The following VCPIP1 variants were observed in gnomAD, a reference collection of about 807,000 sequenced individuals.
VCPIP1 encodes the protein deubiquitinating protein VCPIP1.
Under a neutral mutation model 85.0 loss-of-function variants are expected in VCPIP1, and 8 were observed. That is an observed-to-expected ratio of 0.09 (90% CI 0.06 to 0.17). The LOEUF (loss-of-function observed/expected upper bound fraction) is 0.17, where lower values mean the gene tolerates loss of function less well. Among genes scored for constraint, VCPIP1 ranks in the 10% least tolerant of loss-of-function variants. The probability of loss-of-function intolerance (pLI) is 1.00; values close to 1 mark genes in which losing one functional copy is unlikely to be tolerated. For synonymous variants in VCPIP1, 543 were observed against 544.5 expected, an observed-to-expected ratio of 1.00 and a Z score of 0.04; for missense variants, 1,070 against 1,486.3, an observed-to-expected ratio of 0.72 and a Z score of 4.61.
intron 2 of VCPIP1, among the ~76,000 whole-genome samples, chr8:66,643,172 A>C (rs1165691871): frequency 1.3e-5 from 2 of 152,108 alleles, no homozygotes; most frequent in Admixed American, 1.3e-4. Flanking sequence ...AAAATACAAA[A>C]ATTAGCCAGG....
chr8:66,636,081 G>T (rs1171652359), intron 2 of VCPIP1, among the ~76,000 whole-genome samples: 1 of 150,950 alleles, frequency 6.6e-6, no homozygotes, highest in African/African-American at 2.4e-5. Flanking sequence ...ACAAAAATTA[G>T]CTGGGCATGG....
intron 2 of VCPIP1, 21 bp from the exon 3 acceptor site, chr8:66,635,393 T>C: frequency 6.4e-7 from 1 of 1,571,006 alleles, no homozygotes; most frequent in Non-Finnish European, 8.6e-7. Flanking sequence ...GAAAAGATAT[T>C]TAACATATTA....
In VCPIP1 at chr8:66,664,659, T is replaced by C; in HGVS notation, c.2300A>G (p.Tyr767Cys). 1.2e-6 allele frequency: 2 copies of C among 1,613,556 alleles called. No individual in the cohort carries two copies. The highest frequency in any genetic ancestry group is 2.2e-5 in the East Asian group (1 of 44,888). ...CTTCTCCTTAGAAGTTGTCGGTGAA[T>C]AGGGAGCCTTGGTAGGTGTAGCAGG... ...SAPATPTKAP[Y>C]SPTTSKEKKI... The change falls in exon 1 of 3, where the codon TAT (tyrosine) becomes TGT (cysteine). Residue 767 changes from tyrosine (Y) to cysteine (C), a missense_variant. This residue lies in a region of VCPIP1 where 278 missense variants were observed against 298.5 expected (regional missense o/e 0.93). Coordinates refer to ENST00000310421, the MANE Select transcript of VCPIP1 (RefSeq NM_025054.5).
chr8:66,642,868 G>C (rs1442967644), intron 2 of VCPIP1, among the ~76,000 whole-genome samples: 1 of 151,572 alleles, frequency 6.6e-6, no homozygotes, highest in Admixed American at 6.6e-5. Flanking sequence ...ATGGAAGATA[G>C]TGCATATTGA....
chr8:66,664,950 C>T lies in VCPIP1; in HGVS notation c.2009G>A (p.Gly670Asp). ...ATCTCCAACTCTTTGGGCGTGAGCA[C>T]CATCTATATTTACAGGAGTATAATC... ...PDDYTPVNIDGAHAQRVGDVQ... is the reference protein window; with the variant it reads ...PDDYTPVNIDDAHAQRVGDVQ... The change falls in exon 1 of 3, where the codon GGT (glycine) becomes GAT (aspartate). Residue 670 changes from glycine (G) to aspartate (D), a missense_variant. Gly to Asp is a moderately conservative substitution (Grantham distance 94). Coordinates refer to ENST00000310421, the MANE Select transcript of VCPIP1 (RefSeq NM_025054.5). 6.2e-7 allele frequency: 1 copy of T among 1,614,080 alleles called. No homozygotes were observed. The highest frequency in any genetic ancestry group is 8.5e-7 in the Non-Finnish European group (1 of 1,180,016).
chr8:66,634,740 C>T lies in VCPIP1; in HGVS notation c.3430G>A (p.Val1144Met). 6.2e-7 allele frequency: 1 copy of T among 1,614,220 alleles called. No homozygotes were observed. The highest frequency in any genetic ancestry group is 8.5e-7 in the Non-Finnish European group (1 of 1,180,030). ...SDLPQRKTEV[V>M]SSSAKSGSLQ... ...CTCCCAGACTTTGCAGAAGAACTCA[C>T]AACTTCTGTTTTCCTTTGAGGAAGA... Residue 1144 changes from valine to methionine, a missense_variant, in exon 3 of 3, where the codon GTG becomes ATG. Around this residue, in one of 8 missense-constraint regions of VCPIP1, gnomAD observed 255 missense variants for 289.5 expected, o/e 0.88. Coordinates refer to ENST00000310421, the MANE Select transcript of VCPIP1 (RefSeq NM_025054.5).
rs78530655 is a variant in VCPIP1 at position 66,649,741 on chromosome 8, A to C, written c.2797+1717T>G. Among the ~76,000 whole-genome samples the C allele has an allele frequency of 5.8e-3, 876 of 152,274 alleles. 1 individual carries two copies. The highest frequency in any genetic ancestry group is 9.9e-3 in the Non-Finnish European group (672 of 68,014). The stretch of plus-strand genomic sequence containing the variant: ...ACAAGAAAACTTTTTGGAGTGATGA[A>C]AGTATTCTATATTTTTATTACGGTG... On this transcript the variant is annotated intron_variant, in intron 2 of 2. Coordinates refer to ENST00000310421, the MANE Select transcript of VCPIP1 (RefSeq NM_025054.5).
In VCPIP1 at chr8:66,664,549, T is replaced by C; in HGVS notation, c.2410A>G (p.Ile804Val). 1.2e-6 allele frequency: 2 copies of C among 1,614,248 alleles called. No homozygotes were observed. The highest frequency in any genetic ancestry group is 1.7e-6 in the Non-Finnish European group (2 of 1,180,048). The change falls in exon 1 of 3, where the codon ATA (isoleucine) becomes GTA (valine). Residue 804 changes from isoleucine (I) to valine (V), a missense_variant. Physicochemically the swap from Ile to Val is conservative, Grantham distance 29 (BLOSUM62 3). This residue lies in a region of VCPIP1 where 278 missense variants were observed against 298.5 expected (regional missense o/e 0.93). Transcript: ENST00000310421. Reference sequence around the variant, plus strand: ...GGAGGAATGTTGAATTCTCTGGCTATACTTTCCTGAAGTTCAAAAAAGGTT... The same window carrying C: ...GGAGGAATGTTGAATTCTCTGGCTACACTTTCCTGAAGTTCAAAAAAGGTT... ...STTFFELQES[I>V]AREFNIPPYL...
chr8:66,640,129 T>C (rs1186096975), intron 2 of VCPIP1, among the ~76,000 whole-genome samples: 1 of 152,160 alleles, frequency 6.6e-6, no homozygotes, highest in Non-Finnish European at 1.5e-5. Flanking sequence ...TATAAAAATA[T>C]AGAGAAAAAT....
chr8:66,660,488 T>C (rs1811144742), intron 1 of VCPIP1, among the ~76,000 whole-genome samples: 2 of 152,216 alleles, frequency 1.3e-5, no homozygotes, highest in Non-Finnish European at 2.9e-5. Flanking sequence ...TATTTAAGCC[T>C]AAACTTAAAC....
At chr8:66,664,064 AAT>A (rs2130184720) in intron 1 of VCPIP1, among the ~76,000 whole-genome samples, 183 bp downstream of exon 1, 1 of 152,344 alleles carries the variant, frequency 6.6e-6, no homozygotes, top group Admixed American at 6.5e-5. Context: ...CTATTTTCCT[AAT>A]AGTTACTCAA....
intron 2 of VCPIP1, among the ~76,000 whole-genome samples, chr8:66,644,088 G>T (rs138977241): frequency 3.9e-4 from 60 of 152,138 alleles, no homozygotes; most frequent in African/African-American, 1.4e-3. Flanking sequence ...AATTTTAAAA[G>T]TACTCTATTA....
intron 1 of VCPIP1, among the ~76,000 whole-genome samples, chr8:66,661,460 G>A (rs1003905617): frequency 1.3e-5 from 2 of 152,026 alleles, no homozygotes; most frequent in Non-Finnish European, 2.9e-5. Flanking sequence ...TATCAACCAG[G>A]CACAGTGACT....
intron 2 of VCPIP1, among the ~76,000 whole-genome samples, chr8:66,637,032 G>A (rs1810893951): frequency 6.6e-6 from 1 of 152,098 alleles, no homozygotes. Context: ...TATAGTTTCT[G>A]CACGTTTATA....
In VCPIP1 at chr8:66,638,936, TTCTCTCTCTC is replaced by T. The variant is rs750894538; in HGVS notation, c.2798-3574_2798-3565del. On this transcript the variant is annotated intron_variant, in intron 2 of 2. Transcript: ENST00000310421. ...CTGTACAAAAACCTGCAAGAAAACTTTCTCTCTCTCTCTCTCTCTCTCTCTCTCTCTCTCT... is the reference window on the plus strand; with the variant it reads ...CTGTACAAAAACCTGCAAGAAAACTTTCTCTCTCTCTCTCTCTCTCTCTCT... 5.4e-3 allele frequency among the ~76,000 whole-genome samples: 709 copies of T among 131,668 alleles called. 10 individuals carry two copies. Among genetic ancestry groups the T allele is most frequent in the African/African-American group, 0.016 (517 of 31,696 alleles). 86.4% of individuals were successfully genotyped at this position (131,668 alleles called of 152,430 possible).
chr8:66,634,658 T>C lies in VCPIP1; in HGVS notation c.3512A>G (p.Asn1171Ser). The C allele has an allele frequency of 6.2e-7, 1 of 1,614,210 alleles. No homozygotes were observed. Among genetic ancestry groups the C allele is most frequent in the South Asian group, 1.1e-5 (1 of 91,088 alleles). The change falls in exon 3 of 3, where the codon AAT becomes AGT. Residue 1171 changes from asparagine (N) to serine (S), a missense_variant. This residue lies in a region of VCPIP1 where 255 missense variants were observed against 289.5 expected (regional missense o/e 0.88). Coordinates refer to ENST00000310421, the MANE Select transcript of VCPIP1 (RefSeq NM_025054.5). ...TACACAGCCATCAGTTGTTTCTGTA[T>C]TCAAATTTTCAGTACCACCAGTTAA... is the stretch of plus-strand genomic sequence containing the variant. ...FPLTGGTENL[N>S]TETTDGCVAD...
intron 1 of VCPIP1, among the ~76,000 whole-genome samples, chr8:66,663,771 G>A (rs1811179466): frequency 6.6e-6 from 1 of 152,088 alleles, no homozygotes; most frequent in Admixed American, 6.5e-5. Context: ...AACTGGGAAA[G>A]GAAGAAAATG....
At chr8:66,661,924 C>T (rs573625606) in intron 1 of VCPIP1, among the ~76,000 whole-genome samples, 3 of 150,690 alleles carry the variant, frequency 2.0e-5, no homozygotes, top group East Asian at 2.0e-4. Context: ...CCACCACACC[C>T]GGCTTATTTT....
chr8:66,643,523 G>A (rs765234746), intron 2 of VCPIP1, among the ~76,000 whole-genome samples: 4 of 151,822 alleles, frequency 2.6e-5, no homozygotes, highest in African/African-American at 7.3e-5. Context: ...CTAACATGGC[G>A]AAACCCTGTC....
Sources: gnomAD v4.1 joint callset for allele counts (sites outside exome capture counted in the v4.1 genomes callset) on GRCh38, gnomAD v4.1.1 for gene constraint, gnomAD v4.1.1 regional missense constraint, MANE v1.5 for transcripts, NCBI Gene and HGNC (gene_info 2026-07-23, HGNC 2026-07-21) for gene names.